Variants in FAM216A observed in about 807,000 individuals in gnomAD.
The protein encoded by FAM216A is family with sequence similarity 216 member A, also known as protein FAM216A.
A neutral mutation model predicts 37.6 loss-of-function variants in FAM216A; 26 were observed. The ratio of observed to expected loss-of-function variants is 0.69; its 90% confidence interval spans 0.51 to 0.96. The LOEUF (loss-of-function observed/expected upper bound fraction) is 0.96, where lower values mean the gene tolerates loss of function less well. Among genes scored for constraint, FAM216A ranks in the 40% least tolerant of loss-of-function variants. FAM216A has a pLI of 0.00. For missense variants in FAM216A, 326 were observed against 339.3 expected, an observed-to-expected ratio of 0.96 and a Z score of 0.31; for synonymous variants, 110 against 121.7, an observed-to-expected ratio of 0.90 and a Z score of 0.64.
intron 2 of FAM216A, among the ~76,000 whole-genome samples, chr12:110,481,001 A>T (rs1481871559): frequency 6.6e-6 from 1 of 152,182 alleles, no homozygotes; most frequent in Non-Finnish European, 1.5e-5. Flanking sequence ...TAGGTATCTC[A>T]TAAAAGTTAA....
intron 2 of FAM216A, among the ~76,000 whole-genome samples, chr12:110,473,874 C>A (rs1405706574): frequency 6.6e-6 from 1 of 152,140 alleles, no homozygotes; most frequent in East Asian, 1.9e-4. Flanking sequence ...AACAATCCCC[C>A]AAAGGTCTCT....
At position 110,487,935 on chromosome 12, in the gene FAM216A, T is replaced by G; in HGVS notation, c.695T>G (p.Met232Arg). Reference protein sequence around the residue: ...KIFRRPRKLFMQTVSSDDSES... With the variant: ...KIFRRPRKLFRQTVSSDDSES... The stretch of plus-strand genomic sequence containing the variant: ...TTTAGAAGACCAAGGAAACTGTTCA[T>G]GCAAACAGGTAAATGTGGAAATTTA... The change falls in exon 6 of 7, where the codon ATG (methionine) becomes AGG (arginine). Residue 232 changes from methionine to arginine, a missense_variant. By Grantham distance (91) the Met-to-Arg change is moderately conservative. Coordinates refer to ENST00000377673, the MANE Select transcript of FAM216A (RefSeq NM_013300.3). 6.3e-7 allele frequency: 1 copy of G among 1,590,240 alleles called. No individual in the cohort carries two copies. The highest frequency in any genetic ancestry group is 8.6e-7 in the Non-Finnish European group (1 of 1,160,950).
intron 1 of FAM216A, 101 bp downstream of exon 1, chr12:110,469,119 T>A: frequency 7.8e-7 from 1 of 1,275,624 alleles, no homozygotes; most frequent in Non-Finnish European, 1.0e-6. Context: ...GGCCGACCTC[T>A]CGTCTCGGGG....
At chr12:110,484,756 C>CTT (rs778085355) in intron 2 of FAM216A, among the ~76,000 whole-genome samples, 1 of 143,696 alleles carries the variant, frequency 7.0e-6, no homozygotes. Flanking sequence ...ATATCTAGAT[C>CTT]TTTTTTTTTT....
At chr12:110,471,358 G>C (rs2062686230) in intron 1 of FAM216A, among the ~76,000 whole-genome samples, 1 of 152,188 alleles carries the variant, frequency 6.6e-6, no homozygotes, top group South Asian at 2.1e-4. Flanking sequence ...CAGAGTGCTG[G>C]ATTACAGGCG....
At chr12:110,468,585 G>A (rs1273766338), upstream of FAM216A, 1 of 1,537,216 alleles carries the variant, frequency 6.5e-7, no homozygotes, top group Admixed American at 2.0e-5. Context: ...TTGCAAATGT[G>A]CTGAGGATCT....
At chr12:110,488,502 C>A (rs1482790524) in intron 6 of FAM216A, among the ~76,000 whole-genome samples, 1 of 151,358 alleles carries the variant, frequency 6.6e-6, no homozygotes, top group Non-Finnish European at 1.5e-5. Flanking sequence ...AAGATACTTA[C>A]AATATCAAGG....
At chr12:110,486,162 T>G in intron 3 of FAM216A, 163 bp from the exon 4 acceptor site, 1 of 687,030 alleles carries the variant, frequency 1.5e-6, no homozygotes, top group African/African-American at 1.8e-5. Context: ...TTGCACTGTT[T>G]AATTGGCCAT....
intron 6 of FAM216A, among the ~76,000 whole-genome samples, chr12:110,489,753 T>C (rs1423572481): frequency 6.6e-6 from 1 of 151,988 alleles, no homozygotes; most frequent in Non-Finnish European, 1.5e-5. Flanking sequence ...CACTTTAATT[T>C]CCCCCAACTG....
At chr12:110,485,266 G>T in intron 3 of FAM216A, 67 bp downstream of exon 3, 1 of 1,455,012 alleles carries the variant, frequency 6.9e-7, no homozygotes, top group Admixed American at 2.1e-5. Flanking sequence ...TTTTACTGAA[G>T]ATCAGCTGCT....
At chr12:110,487,668 G>C in intron 5 of FAM216A, 193 bp from the exon 6 acceptor site, 1 of 568,380 alleles carries the variant, frequency 1.8e-6, no homozygotes, top group Non-Finnish European at 3.1e-6. Context: ...AAAAGATTAA[G>C]CAGCATGAGT....
chr12:110,485,610 A>C (rs1417801300), intron 3 of FAM216A, among the ~76,000 whole-genome samples: 1 of 152,208 alleles, frequency 6.6e-6, no homozygotes, highest in African/African-American at 2.4e-5. Context: ...TAAAAAAAGA[A>C]AAATAAATAA....
chr12:110,474,940 C>T (rs1042307059), intron 2 of FAM216A, among the ~76,000 whole-genome samples: 2 of 151,104 alleles, frequency 1.3e-5, no homozygotes, highest in African/African-American at 4.9e-5. Context: ...TGCGGTGAGC[C>T]GAGATCGCGC....
intron 2 of FAM216A, among the ~76,000 whole-genome samples, chr12:110,483,192 C>T (rs1012047118): frequency 5.9e-5 from 9 of 151,932 alleles, no homozygotes; most frequent in African/African-American, 1.4e-4. Context: ...GGCGTGGTGG[C>T]GGGCACCTGT....
At chr12:110,468,840 C>T, upstream of FAM216A, 2 of 1,477,500 alleles carry the variant, frequency 1.4e-6, no homozygotes, top group Non-Finnish European at 9.0e-7. Flanking sequence ...CTCCGGAATA[C>T]CAGCAGCCTG....
chr12:110,473,260 G>A lies in FAM216A; in HGVS notation c.184+142G>A, dbSNP rs999464342. ...GGAGTCTCACTCTGTTGCCTGGGCT[G>A]GAGTGCAGTAGTGCGATCTGGGCTC... On this transcript the variant is annotated intron_variant, in intron 2 of 6. Transcript: ENST00000377673. 3.3e-5 allele frequency: 13 copies of A among 389,702 alleles called. No individual in the cohort carries two copies. The South Asian group carries it at 4.8e-4, about 14-fold the overall frequency. The allele number at this position is 389,702 out of a possible 1,614,324, so 24.1% of individuals were successfully genotyped here.
rs182907794 is a variant in FAM216A at position 110,472,015 on chromosome 12, T to C, written c.144-1063T>C. ...GGGAGGCTGAGGCGGGCGAATCAGTTGAGGTCAGGAGTTTGAGACCGGCCT... is the reference window on the plus strand; with the variant it reads ...GGGAGGCTGAGGCGGGCGAATCAGTCGAGGTCAGGAGTTTGAGACCGGCCT... On this transcript the variant is annotated intron_variant, in intron 1 of 6. Coordinates refer to ENST00000377673, the MANE Select transcript of FAM216A (RefSeq NM_013300.3). 4.7e-4 allele frequency among the ~76,000 whole-genome samples: 72 copies of C among 151,884 alleles called. No homozygotes were observed. In the East Asian group the frequency reaches 0.013, roughly 28 times the overall value.
intron 2 of FAM216A, among the ~76,000 whole-genome samples, chr12:110,478,007 A>G (rs368137671): frequency 9.9e-5 from 15 of 152,242 alleles, no homozygotes; most frequent in East Asian, 9.7e-4. Flanking sequence ...GTGCCCAGCC[A>G]TATGGACTTT....
rs746724269 is a variant in FAM216A, at chr12:110,486,446, A to G, written c.428A>G (p.Gln143Arg). The G allele has an allele frequency of 2.0e-5, 32 of 1,611,720 alleles. No homozygotes were observed. The East Asian group carries it at 3.6e-4, about 18-fold the overall frequency. The change falls in exon 4 of 7, where the codon CAA becomes CGA. Residue 143 changes from glutamine to arginine, a missense_variant. Transcript: ENST00000377673. ...ATGCACGTACTTCAGCACAGCTCAC[A>G]AAAGCCAGGCAGGTGCACCTCCAGT... is the stretch of plus-strand genomic sequence containing the variant. Reference protein sequence around the residue: ...QYMHVLQHSSQKPGVLTHHRS... With the variant: ...QYMHVLQHSSRKPGVLTHHRS...
Sources: gnomAD v4.1 joint callset for allele counts (sites outside exome capture counted in the v4.1 genomes callset) on GRCh38, gnomAD v4.1.1 for gene constraint, MANE v1.5 for transcripts, NCBI Gene and HGNC (gene_info 2026-07-23, HGNC 2026-07-21) for gene names.